The following COL2A1 variants were observed in gnomAD, a reference collection of about 807,000 sequenced individuals.
COL2A1 encodes the protein collagen type II alpha 1 chain.
In COL2A1, 28 loss-of-function variants were observed where a neutral mutation model predicts 204.5. That is an observed-to-expected ratio of 0.14 (90% CI 0.10 to 0.19). The LOEUF is 0.19. COL2A1 is among the 10% of genes least tolerant of loss of function. The pLI is 1.00. For synonymous variants in COL2A1, 708 were observed against 718.7 expected (o/e 0.99, Z 0.24); for missense variants, 1,388 against 2,027.5 (o/e 0.68, Z 6.06).
chr12:47,975,763 C>CTAT (rs763418694), intron 50 of COL2A1, among the ~76,000 whole-genome samples, 158 bp from the exon 51 acceptor site: 166 of 152,238 alleles, frequency 1.1e-3, no homozygotes, highest in Non-Finnish European at 1.9e-3. Flanking sequence ...AGCACCATGT[C>CTAT]TATTTCTTCC....
intron 10 of COL2A1, 121 bp downstream of exon 10, chr12:47,995,589 C>T (rs1939918940): frequency 9.2e-7 from 1 of 1,081,950 alleles, no homozygotes; most frequent in East Asian, 2.4e-5. Context: ...TCCGAATTTC[C>T]TTGGGGCCAC....
intron 51 of COL2A1, 52 bp downstream of exon 51, chr12:47,975,265 A>T (rs1938642977): frequency 2.5e-6 from 4 of 1,606,298 alleles, no homozygotes; most frequent in Non-Finnish European, 3.4e-6. Flanking sequence ...TGCTAGGCCT[A>T]AGGGATGACT....
chr12:47,976,190 T>C lies in COL2A1; in HGVS notation c.3490-120A>G, dbSNP rs1680848556. ...GCCACTCCGCCCCCAGTTCTTCACA[T>C]GCTCAGTCATGGAACCCTAAGTTGG... On this transcript the variant is annotated intron_variant, in intron 49 of 53. Transcript: ENST00000380518. This position sits in a 1 kb window ranked among gnomAD's most constrained non-coding sequence, Gnocchi z 4.3. 21 of 784,692 alleles carry C rather than the reference T, an allele frequency of 2.7e-5. No individual in the cohort carries two copies. The South Asian group carries it at 2.9e-4, about 11-fold the overall frequency. 48.6% of individuals were successfully genotyped at this position (784,692 alleles called of 1,614,324 possible).
chr12:47,987,514 T>C lies in COL2A1; in HGVS notation c.1221+97A>G. 8.4e-7 allele frequency: 1 copy of C among 1,190,030 alleles called. No individual in the cohort carries two copies. Among genetic ancestry groups the C allele is most frequent in the Non-Finnish European group, 1.2e-6 (1 of 818,374 alleles). 73.7% of individuals were successfully genotyped at this position (1,190,030 alleles called of 1,614,324 possible). A position where few individuals can be genotyped will look rare whatever the true frequency, so the allele number is the denominator to read the frequency against. ...GCATTGGGCCAGAATGAAGGTTTGG[T>C]GGTTGGAGCCCACAACTGTCAGAGC... On this transcript the variant is annotated intron_variant, in intron 19 of 53. Coordinates refer to ENST00000380518, the MANE Select transcript of COL2A1 (RefSeq NM_001844.5). The surrounding 1 kb of genome is among the most constrained non-coding windows in gnomAD (Gnocchi z 4.1).
chr12:47,978,294 C>T lies in COL2A1; in HGVS notation c.3000G>A (p.Pro1000=), dbSNP rs1793947. 6,917 of 1,613,818 alleles carry T rather than the reference C, an allele frequency of 4.3e-3. 286 individuals are homozygous for T. In the African/African-American group the frequency reaches 0.079, roughly 18 times the overall value. Residue 1000 remains proline, a synonymous_variant, in exon 43 of 54, where the codon CCG becomes CCA. Transcript: ENST00000380518. The surrounding 1 kb of genome is among the most constrained non-coding windows in gnomAD (Gnocchi z 5.5). ...GGGAGGGATACCCCACACTCACCGA[C>T]GGGCCAGGCAAGCCAGGGAATCCTC... ...GERGFPGLPG[P]SGEPGKQGAP...
At chr12:47,982,424 G>T in intron 34 of COL2A1, 78 bp downstream of exon 34, 1 of 1,224,888 alleles carries the variant, frequency 8.2e-7, no homozygotes, top group Non-Finnish European at 1.2e-6. Context: ...GGTGCCATAA[G>T]GGAACGGAAG....
At chr12:47,986,538 G>A in intron 22 of COL2A1, 95 bp from the exon 23 acceptor site, 1 of 725,050 alleles carries the variant, frequency 1.4e-6, no homozygotes, top group East Asian at 2.7e-5. Context: ...CTTGGCAACT[G>A]TTTCAGGGCT....
Position 47,973,569 on chromosome 12 carries a change from G to T in COL2A1, c.4318-16C>A. 6.2e-7 allele frequency: 1 copy of T among 1,613,970 alleles called. No homozygotes were observed. Among genetic ancestry groups the T allele is most frequent in the Non-Finnish European group, 8.5e-7 (1 of 1,179,876 alleles). The stretch of plus-strand genomic sequence containing the variant: ...CGGTATGTTTCTAGGGGAGAAAAAA[G>T]GAGGAGGCTCTGTTCAGTAGATGCC... On this transcript the variant is annotated splice_polypyrimidine_tract_variant and intron_variant, in intron 53 of 53. Coordinates refer to ENST00000380518, the MANE Select transcript of COL2A1 (RefSeq NM_001844.5).
rs749720261 is a variant in COL2A1, at chr12:47,984,530, G to A, written c.1887+16C>T. On this transcript the variant is annotated intron_variant, in intron 28 of 53. Coordinates refer to ENST00000380518, the MANE Select transcript of COL2A1 (RefSeq NM_001844.5). Reference sequence around the variant, plus strand: ...CGGCCAACACCAAGTCATGGGCAGCGGGGAAGGATACTTACCCTCAGACCA... The same window carrying A: ...CGGCCAACACCAAGTCATGGGCAGCAGGGAAGGATACTTACCCTCAGACCA... The A allele has an allele frequency of 2.7e-5, 43 of 1,613,780 alleles. No homozygotes were observed. Among genetic ancestry groups the A allele is most frequent in the East Asian group, 2.2e-5 (1 of 44,896 alleles).
intron 1 of COL2A1, 125 bp downstream of exon 1, chr12:48,004,112 C>A (rs1425112571): frequency 2.8e-6 from 2 of 726,644 alleles, no homozygotes; most frequent in African/African-American, 1.7e-5. Flanking sequence ...TAAGTCGGCG[C>A]GCTACGACCC....
chr12:47,994,107 T>A (rs1263992491), intron 12 of COL2A1, 60 bp from the exon 13 acceptor site: 2 of 1,595,324 alleles, frequency 1.3e-6, no homozygotes, highest in East Asian at 4.5e-5. Flanking sequence ...AAAGCTGCCC[T>A]GGGCTGCAGG....
At chr12:48,004,779 AAGG>A (rs1449615313), upstream of COL2A1, among the ~76,000 whole-genome samples, 1 of 152,128 alleles carries the variant, frequency 6.6e-6, no homozygotes, top group Admixed American at 6.5e-5. Flanking sequence ...CACAGGCGGG[AAGG>A]GTGGCCTCCG....
At chr12:47,973,619 G>A in intron 53 of COL2A1, 66 bp from the exon 54 acceptor site, 1 of 1,594,942 alleles carries the variant, frequency 6.3e-7, no homozygotes, top group East Asian at 2.2e-5. Flanking sequence ...CAGCTGCCCA[G>A]AAGCCCAAAA....
In COL2A1 at chr12:47,993,823, C is replaced by T. The variant is rs984944183; in HGVS notation, c.910G>A (p.Ala304Thr). 1 of 1,614,010 alleles carries T rather than the reference C, an allele frequency of 6.2e-7. No homozygotes were observed. ...TGGCCTCTCACCTTCACACCAGGAGCACCCGCCTCTCCCTTAGCACCGTCC... is the reference window on the plus strand; with the variant it reads ...TGGCCTCTCACCTTCACACCAGGAGTACCCGCCTCTCCCTTAGCACCGTCC... ...GLDGAKGEAG[A>T]PGVKGESGSP... The change falls in exon 14 of 54, where the codon GCT becomes ACT. Residue 304 changes from alanine to threonine, a missense_variant. By Grantham distance (58) the Ala-to-Thr change is moderately conservative. This residue lies in a region of COL2A1 where 884 missense variants were observed against 1,415.8 expected (regional missense o/e 0.62). Coordinates refer to ENST00000380518, the MANE Select transcript of COL2A1 (RefSeq NM_001844.5).
chr12:47,983,436 T>A lies in COL2A1; in HGVS notation c.1998A>T (p.Gly666=). The A allele has an allele frequency of 6.2e-7, 1 of 1,613,972 alleles. No homozygotes were observed. ...CTGGGGGACCAGGAGGGCCAGGAAG[T>A]CCCTAGAAGCCGAAGTGACAAGCGT... ...QGAPGPSGFQ[G]LPGPPGPPGE... Residue 666 remains glycine, a splice_region_variant and synonymous_variant, in exon 31 of 54, where the codon GGA becomes GGT. Transcript: ENST00000380518.
rs147592023 is a variant in COL2A1 at position 47,978,660 on chromosome 12, G to A, written c.2832C>T (p.Pro944=). The A allele has an allele frequency of 4.0e-5, 65 of 1,613,412 alleles. No individual in the cohort carries two copies. The highest frequency in any genetic ancestry group is 1.7e-4 in the Middle Eastern group (1 of 6,060). Residue 944 remains proline (P), a synonymous_variant, in exon 42 of 54, where the codon CCC becomes CCT. Transcript: ENST00000380518. The surrounding 1 kb of genome is among the most constrained non-coding windows in gnomAD (Gnocchi z 5.5). Reference sequence around the variant, plus strand: ...GGGGTCCAGCAGGACCTTGGAGGCCGGGTTCACCAGCTCGGCCAGGGGGGC... The same window carrying A: ...GGGGTCCAGCAGGACCTTGGAGGCCAGGTTCACCAGCTCGGCCAGGGGGGC... The part of the protein sequence containing the change: ...DSGPPGRAGE[P]GLQGPAGPPG...
intron 30 of COL2A1, 72 bp downstream of exon 30, chr12:47,983,611 G>A: frequency 6.5e-7 from 1 of 1,530,366 alleles, no homozygotes; most frequent in Non-Finnish European, 8.9e-7. Context: ...TCCACCGATA[G>A]TGCCTGCTGC....
rs777701655 is a variant in COL2A1 at position 47,974,904 on chromosome 12, C to G, written c.3887-42G>C. 5 of 1,589,306 alleles carry G rather than the reference C, an allele frequency of 3.1e-6. No individual in the cohort carries two copies. In the Admixed American group the frequency reaches 8.7e-5, roughly 28 times the overall value. On this transcript the variant is annotated intron_variant, in intron 51 of 53. Transcript: ENST00000380518. ...CAGCACCCATGGGGGCTCAGACAGGCACAGACACAAAAGCTTGAGAGACCC... is the reference window on the plus strand; with the variant it reads ...CAGCACCCATGGGGGCTCAGACAGGGACAGACACAAAAGCTTGAGAGACCC...
At position 47,987,604 on chromosome 12, in the gene COL2A1, C is replaced by G. The variant is rs1361537680; in HGVS notation, c.1221+7G>C. On this transcript the variant is annotated splice_region_variant and intron_variant, in intron 19 of 53. Coordinates refer to ENST00000380518, the MANE Select transcript of COL2A1 (RefSeq NM_001844.5). This position sits in a 1 kb window ranked among gnomAD's most constrained non-coding sequence, Gnocchi z 4.1. ...ACCCCCCCAGGCCAAAGAGAAGCTG[C>G]ACTTACGGAGGCACCAGCAGGCCCA... 6.2e-6 allele frequency: 10 copies of G among 1,609,226 alleles called. No homozygotes were observed. The highest frequency in any genetic ancestry group is 8.5e-6 in the Non-Finnish European group (10 of 1,177,306).
Sources: allele counts gnomAD v4.1 joint callset (sites outside exome capture counted in the v4.1 genomes callset), GRCh38; gene constraint gnomAD v4.1.1; regional missense constraint gnomAD v4.1.1; non-coding constraint Gnocchi (gnomAD v3.1); transcripts MANE v1.5; gene names NCBI Gene and HGNC (gene_info 2026-07-23, HGNC 2026-07-21).